The following PSMG2 variants were observed in gnomAD, a reference collection of about 807,000 sequenced individuals.
The protein encoded by PSMG2 is proteasome assembly chaperone 2.
PSMG2 carries 21 observed loss-of-function variants against 31.5 expected under a neutral mutation model. The ratio of observed to expected loss-of-function variants is 0.67; its 90% CI spans 0.47 to 0.96. The LOEUF (loss-of-function observed/expected upper bound fraction) is 0.96, where lower values mean the gene tolerates loss of function less well. Ranked by LOEUF, PSMG2 falls within the 40% of genes least tolerant of loss-of-function variation. The pLI is 0.00. For missense variants in PSMG2, 318 were observed against 321.2 expected (o/e 0.99, Z 0.08); for synonymous variants, 120 against 110.4 (o/e 1.09, Z -0.54).
rs1361528977 is a variant in PSMG2, at chr18:12,705,570, A to AGT, written c.58-979_58-978insTG. Among the ~76,000 whole-genome samples, 547 of 126,286 alleles carry AGT rather than the reference A, an allele frequency of 4.3e-3. 2 individuals are homozygous for AGT. Among genetic ancestry groups the AGT allele is most frequent in the African/African-American group, 9.0e-3 (318 of 35,414 alleles). The allele number at this position is 126,286 out of a possible 152,430, so 82.8% of individuals were successfully genotyped here. ...AAGAGAGAGAGAGAGAGAGAGAGAG[A>AGT]GAGAGAGTGTGTGTGTGTGTGTGTG... On this transcript the variant is annotated intron_variant, in intron 1 of 6. Transcript: ENST00000317615.
At chr18:12,702,803 T>C, upstream of PSMG2, 1 of 564,100 alleles carries the variant, frequency 1.8e-6, no homozygotes, top group Non-Finnish European at 3.1e-6. Context: ...GCACGCTGCC[T>C]GATCGTTTCC....
chr18:12,698,826 G>A, upstream of PSMG2: 1 of 609,126 alleles, frequency 1.6e-6, no homozygotes, highest in Non-Finnish European at 2.9e-6. Context: ...CAAGAAGGTG[G>A]ATAGTAGTTT....
chr18:12,703,338 C>A lies in PSMG2; in HGVS notation c.57+174C>A, dbSNP rs551874536. Among the ~76,000 whole-genome samples the A allele has an allele frequency of 2.6e-5, 4 of 152,366 alleles. No homozygotes were observed. The South Asian group carries it at 6.2e-4, about 24-fold the overall frequency. ...GCCGGAGGCAGCCGTCCAAACAGAA[C>A]CTTTGTCGGCTGTAAAACCAAACGT... is the stretch of plus-strand genomic sequence containing the variant. On this transcript the variant is annotated intron_variant, in intron 1 of 6. Transcript: ENST00000317615.
In PSMG2 at chr18:12,706,760, T is replaced by G; in HGVS notation, c.229+39T>G. On this transcript the variant is annotated intron_variant, in intron 2 of 6. Coordinates refer to ENST00000317615, the MANE Select transcript of PSMG2 (RefSeq NM_020232.5). ...TACCTTGTATTTTTCCACTACAAAG[T>G]AGAGTTGTTTTAAATTAGAAATAGA... 3 of 1,538,260 alleles carry G rather than the reference T, an allele frequency of 2.0e-6. No individual in the cohort carries two copies. In the South Asian group the frequency reaches 3.6e-5, roughly 19 times the overall value.
upstream of PSMG2, chr18:12,702,718 G>C: frequency 1.4e-6 from 1 of 690,364 alleles, no homozygotes; most frequent in Non-Finnish European, 2.3e-6. Flanking sequence ...GGGCTGACCT[G>C]GAAATGAGGC....
intron 4 of PSMG2, 132 bp from the exon 5 acceptor site, chr18:12,720,378 T>C: frequency 1.4e-6 from 1 of 696,668 alleles, no homozygotes; most frequent in South Asian, 3.2e-5. Context: ...CAGAGCAATA[T>C]TTTTTACTTA....
At chr18:12,722,649 G>A (rs532427919) in intron 5 of PSMG2, among the ~76,000 whole-genome samples, 1 of 152,062 alleles carries the variant, frequency 6.6e-6, no homozygotes, top group Non-Finnish European at 1.5e-5. Context: ...CAGGAAATGC[G>A]GATTTTACCC....
At chr18:12,683,033 A>T (rs1320163299) in intron 1 of PSMG2, among the ~76,000 whole-genome samples, 3 of 152,058 alleles carry the variant, frequency 2.0e-5, no homozygotes, top group African/African-American at 7.2e-5. Context: ...TCATGGCAAC[A>T]TTAAAAAATT....
intron 1 of PSMG2, among the ~76,000 whole-genome samples, chr18:12,703,730 G>T (rs1251141645): frequency 6.6e-6 from 1 of 152,232 alleles, no homozygotes; most frequent in African/African-American, 2.4e-5. Context: ...TAGGCTAGAA[G>T]CTTGAAAGGG....
chr18:12,691,464 A>C, intron 1 of PSMG2: 1 of 1,601,496 alleles, frequency 6.2e-7, no homozygotes, highest in Non-Finnish European at 8.5e-7. Flanking sequence ...CTTTCTCTGC[A>C]GTTTTCTGAC....
rs770779984 is a variant in PSMG2, at chr18:12,724,561, C to T, written c.644C>T (p.Pro215Leu). The change falls in exon 6 of 7, where the codon CCA becomes CTA. Residue 215 changes from proline to leucine, a missense_variant. Coordinates refer to ENST00000317615, the MANE Select transcript of PSMG2 (RefSeq NM_020232.5). Reference sequence around the variant, plus strand: ...TTTGTTTCAGAAGGGGACAACATCCCAGATGCATTAGGTCTTGTTGAGTAT... The same window carrying T: ...TTTGTTTCAGAAGGGGACAACATCCTAGATGCATTAGGTCTTGTTGAGTAT... ...LKFVSEGDNIPDALGLVEYLN... is the reference protein window; with the variant it reads ...LKFVSEGDNILDALGLVEYLN... 2 of 1,611,308 alleles carry T rather than the reference C, an allele frequency of 1.2e-6. No homozygotes were observed. The highest frequency in any genetic ancestry group is 1.7e-4 in the Middle Eastern group (1 of 6,058).
At chr18:12,721,920 C>T (rs2040434506) in intron 5 of PSMG2, among the ~76,000 whole-genome samples, 1 of 152,032 alleles carries the variant, frequency 6.6e-6, no homozygotes, top group Non-Finnish European at 1.5e-5. Flanking sequence ...TTTGACATGT[C>T]GTGTTTTCAT....
At chr18:12,674,785 A>G in intron 1 of PSMG2, 5 of 1,410,764 alleles carry the variant, frequency 3.5e-6, no homozygotes, top group Non-Finnish European at 4.9e-6. Flanking sequence ...AGAAAAAGTG[A>G]AATACATTAA....
chr18:12,711,557 C>T (rs935705163), intron 2 of PSMG2, among the ~76,000 whole-genome samples: 1 of 152,038 alleles, frequency 6.6e-6, no homozygotes, highest in Admixed American at 6.6e-5. Context: ...GTTCAGCATA[C>T]CCCCCAGTCA....
intron 1 of PSMG2, among the ~76,000 whole-genome samples, chr18:12,660,785 T>C (rs930925260): frequency 2.0e-5 from 3 of 152,126 alleles, no homozygotes; most frequent in Non-Finnish European, 4.4e-5. Context: ...TAACAATTCA[T>C]GGTATGATAT....
At chr18:12,690,889 T>C (rs1031666577) in intron 1 of PSMG2, among the ~76,000 whole-genome samples, 1 of 152,176 alleles carries the variant, frequency 6.6e-6, no homozygotes, top group African/African-American at 2.4e-5. Context: ...AAGTCGTGGT[T>C]ATATACAATT....
At chr18:12,688,923 G>T (rs2039646241) in intron 1 of PSMG2, among the ~76,000 whole-genome samples, 1 of 152,006 alleles carries the variant, frequency 6.6e-6, no homozygotes, top group Non-Finnish European at 1.5e-5. Context: ...GACCATCCTG[G>T]CTAACACAGT....
chr18:12,707,463 C>T (rs549786079), intron 2 of PSMG2, among the ~76,000 whole-genome samples: 1 of 151,572 alleles, frequency 6.6e-6, no homozygotes, highest in African/African-American at 2.4e-5. Context: ...TCGTAGTCAT[C>T]TTCTTCCATT....
chr18:12,704,843 C>G (rs1261806009), intron 1 of PSMG2, among the ~76,000 whole-genome samples: 1 of 152,052 alleles, frequency 6.6e-6, no homozygotes, highest in African/African-American at 2.4e-5. Flanking sequence ...AAGGGAATTG[C>G]AGGAGGTAAC....
Sources: allele counts gnomAD v4.1 joint callset (sites outside exome capture counted in the v4.1 genomes callset), GRCh38; gene constraint gnomAD v4.1.1; transcripts MANE v1.5; gene names NCBI Gene and HGNC (gene_info 2026-07-23, HGNC 2026-07-21).